The following MAN2A1 variants were observed in gnomAD, a reference collection of about 807,000 sequenced individuals.
MAN2A1 encodes the protein mannosidase alpha class 2A member 1, also known as alpha-mannosidase 2.
MAN2A1 carries 76 observed loss-of-function variants against 142.6 expected under a neutral mutation model. The observed-to-expected ratio is 0.53, with a 90% CI of 0.44 to 0.65. The LOEUF is 0.65. MAN2A1 is among the 30% of genes least tolerant of loss of function. MAN2A1 has a pLI of 0.00. For synonymous variants in MAN2A1, 559 were observed against 473.2 expected, an observed-to-expected ratio of 1.18 and a Z score of -2.35; for missense variants, 1,311 against 1,365.1, an observed-to-expected ratio of 0.96 and a Z score of 0.62.
chr5:109,750,687 G>T (rs184874610), intron 4 of MAN2A1, among the ~76,000 whole-genome samples: 1 of 152,078 alleles, frequency 6.6e-6, no homozygotes. Context: ...ACCTGTATGA[G>T]CATAGTATTT....
At chr5:109,790,914 T>C (rs1279508040) in intron 12 of MAN2A1, among the ~76,000 whole-genome samples, 1 of 152,092 alleles carries the variant, frequency 6.6e-6, no homozygotes, top group African/African-American at 2.4e-5. Context: ...CCCTTTAGTT[T>C]ATCTCCTTCC....
At position 109,803,156 on chromosome 5, in the gene MAN2A1, G is replaced by C. The variant is rs377494396; in HGVS notation, c.1943+13629G>C. 9.2e-5 allele frequency among the ~76,000 whole-genome samples: 14 copies of C among 151,888 alleles called. 1 individual carries two copies. The highest frequency in any genetic ancestry group is 2.6e-4 in the Admixed American group (4 of 15,264). On this transcript the variant is annotated intron_variant, in intron 12 of 21. Coordinates refer to ENST00000261483, the MANE Select transcript of MAN2A1 (RefSeq NM_002372.4). The stretch of plus-strand genomic sequence containing the variant: ...TTCCTTACCAGGCCCTTATAATTTA[G>C]TCTGCTATGATTTTGTTCTTAGGTA...
chr5:109,747,427 A>T (rs1365108355), intron 4 of MAN2A1, among the ~76,000 whole-genome samples: 1 of 152,140 alleles, frequency 6.6e-6, no homozygotes, highest in Non-Finnish European at 1.5e-5. Context: ...TATCGTTTTT[A>T]ATGGCTGAAT....
chr5:109,763,325 A>G (rs893199405), intron 5 of MAN2A1, among the ~76,000 whole-genome samples: 2 of 152,174 alleles, frequency 1.3e-5, no homozygotes, highest in Non-Finnish European at 2.9e-5. Context: ...GAGACTCACT[A>G]CATGTTCCAT....
chr5:109,807,867 T>C (rs1026722578), intron 12 of MAN2A1, among the ~76,000 whole-genome samples: 15 of 152,356 alleles, frequency 9.8e-5, no homozygotes, highest in African/African-American at 3.4e-4. Flanking sequence ...TCACCTTTCC[T>C]GCCTAAGCTA....
At chr5:109,816,695 G>A (rs1056345018) in intron 12 of MAN2A1, among the ~76,000 whole-genome samples, 1 of 152,058 alleles carries the variant, frequency 6.6e-6, no homozygotes, top group Non-Finnish European at 1.5e-5. Context: ...TGTGAGATTA[G>A]GTAGGAATCA....
At chr5:109,847,837 A>C in intron 19 of MAN2A1, 47 bp downstream of exon 19, 6 of 1,349,518 alleles carry the variant, frequency 4.4e-6, no homozygotes, top group Non-Finnish European at 4.8e-6. Context: ...GTTCTTTGTC[A>C]CCCAAAACTT....
intron 10 of MAN2A1, among the ~76,000 whole-genome samples, chr5:109,787,853 T>A (rs1753633503): frequency 2.0e-5 from 3 of 151,848 alleles, no homozygotes; most frequent in African/African-American, 4.8e-5. Context: ...TAGGAAAACA[T>A]TTGAATATGT....
At chr5:109,827,413 C>T (rs1373859265) in intron 16 of MAN2A1, among the ~76,000 whole-genome samples, 1 of 152,160 alleles carries the variant, frequency 6.6e-6, no homozygotes, top group Non-Finnish European at 1.5e-5. Flanking sequence ...TTCTTTGACC[C>T]TTTTCTCCCC....
At chr5:109,836,763 C>G (rs1441689789) in intron 16 of MAN2A1, among the ~76,000 whole-genome samples, 1 of 152,150 alleles carries the variant, frequency 6.6e-6, no homozygotes, top group African/African-American at 2.4e-5. Context: ...TCTGACTTCA[C>G]ACATTACAGA....
At chr5:109,735,583 G>A (rs1408569264) in intron 4 of MAN2A1, among the ~76,000 whole-genome samples, 5 of 151,992 alleles carry the variant, frequency 3.3e-5, no homozygotes, top group African/African-American at 7.2e-5. Context: ...AGATGAACCC[G>A]GTACCTCAGA....
At chr5:109,692,409 T>C (rs1355606937) in intron 1 of MAN2A1, among the ~76,000 whole-genome samples, 1 of 152,208 alleles carries the variant, frequency 6.6e-6, no homozygotes, top group African/African-American at 2.4e-5. Context: ...GAAGGTATTC[T>C]TTAAGTGCTT....
At chr5:109,816,230 A>G (rs574644273) in intron 12 of MAN2A1, among the ~76,000 whole-genome samples, 26 of 152,312 alleles carry the variant, frequency 1.7e-4, no homozygotes, top group African/African-American at 6.0e-4. Context: ...ATTTTTTCAA[A>G]TATAGTTTAC....
rs748444692 is a variant in MAN2A1, at chr5:109,731,362, TTTA to T, written c.707+1863_707+1865del. Among the ~76,000 whole-genome samples, 117 of 118,830 alleles carry T rather than the reference TTTA, an allele frequency of 9.8e-4. 1 individual carries two copies. Among genetic ancestry groups the T allele is most frequent in the Admixed American group, 3.5e-3 (44 of 12,470 alleles). 78.0% of individuals were successfully genotyped at this position (118,830 alleles called of 152,430 possible). ...AAAATAGGAAAGCGTGTTTCTTTTT[TTTA>T]TTATTATTATTATACTTTAAGTTTT... On this transcript the variant is annotated intron_variant, in intron 4 of 21. Transcript: ENST00000261483.
At chr5:109,855,461 C>G in intron 20 of MAN2A1, 127 bp downstream of exon 20, 1 of 552,518 alleles carries the variant, frequency 1.8e-6, no homozygotes, top group Non-Finnish European at 2.9e-6. Context: ...CAGGGCTTCA[C>G]CTTTAGCCAA....
intron 4 of MAN2A1, among the ~76,000 whole-genome samples, chr5:109,734,795 G>A (rs1400970190): frequency 5.3e-5 from 8 of 152,066 alleles, no homozygotes; most frequent in South Asian, 2.1e-4. Flanking sequence ...TTCCAACTAT[G>A]TGGTCAATTT....
At chr5:109,826,958 G>A (rs1005608330) in intron 16 of MAN2A1, among the ~76,000 whole-genome samples, 1 of 152,190 alleles carries the variant, frequency 6.6e-6, no homozygotes, top group African/African-American at 2.4e-5. Flanking sequence ...CCATGCTGTT[G>A]TAGATTGGCT....
intron 16 of MAN2A1, among the ~76,000 whole-genome samples, chr5:109,833,956 T>C (rs1427477853): frequency 6.6e-6 from 1 of 152,198 alleles, no homozygotes; most frequent in African/African-American, 2.4e-5. Flanking sequence ...GACACCAATA[T>C]GTTGAACTGT....
At chr5:109,704,984 A>C (rs905278942) in intron 1 of MAN2A1, among the ~76,000 whole-genome samples, 6 of 152,054 alleles carry the variant, frequency 3.9e-5, no homozygotes, top group Admixed American at 3.3e-4. Context: ...TTGCATGTTC[A>C]CTGACACCAC....
Sources: gnomAD v4.1 joint callset for allele counts (sites outside exome capture counted in the v4.1 genomes callset) on GRCh38, gnomAD v4.1.1 for gene constraint, MANE v1.5 for transcripts, NCBI Gene and HGNC (gene_info 2026-07-23, HGNC 2026-07-21) for gene names.